Variants in KHDRBS2 observed in about 807,000 individuals in gnomAD.
KHDRBS2 encodes KH RNA binding domain containing, signal transduction associated 2, also known as KH domain-containing, RNA-binding, signal transduction-associated protein 2.
Under a neutral mutation model 44.3 loss-of-function variants are expected in KHDRBS2, and 26 were observed. The observed-to-expected ratio is 0.59, with a 90% CI of 0.43 to 0.81. The LOEUF is 0.81. Among genes scored for constraint, KHDRBS2 ranks in the 40% least tolerant of loss-of-function variants. The pLI is 0.00. For missense variants in KHDRBS2, 476 were observed against 433.1 expected (o/e 1.10, Z -0.88); for synonymous variants, 194 against 151.1 (o/e 1.28, Z -2.08).
At chr6:61,694,535 G>T (rs1324109828) in intron 8 of KHDRBS2, among the ~76,000 whole-genome samples, 1 of 152,120 alleles carries the variant, frequency 6.6e-6, no homozygotes, top group Non-Finnish European at 1.5e-5. Context: ...AAGGCTTGCG[G>T]CCTCATTCCT....
intron 2 of KHDRBS2, among the ~76,000 whole-genome samples, chr6:62,144,673 T>A (rs1321626807): frequency 1.3e-5 from 2 of 151,964 alleles, no homozygotes; most frequent in Non-Finnish European, 2.9e-5. Context: ...TAAGAAAGTC[T>A]CCTTAGCAAA....
chr6:61,707,657 G>A (rs768784695), intron 7 of KHDRBS2, among the ~76,000 whole-genome samples: 6 of 151,580 alleles, frequency 4.0e-5, no homozygotes, highest in African/African-American at 9.7e-5. Flanking sequence ...AGTAGTCTCC[G>A]AATCCGGTCA....
chr6:61,714,615 C>G (rs536499456), intron 7 of KHDRBS2, among the ~76,000 whole-genome samples: 63 of 151,968 alleles, frequency 4.1e-4, no homozygotes, highest in African/African-American at 1.5e-3. Flanking sequence ...TATCACAGCA[C>G]TATTCACTAT....
At chr6:62,237,148 A>G (rs1833835673) in intron 1 of KHDRBS2, among the ~76,000 whole-genome samples, 3 of 152,188 alleles carry the variant, frequency 2.0e-5, no homozygotes, top group Admixed American at 1.3e-4. Context: ...AAGAGACTCT[A>G]AAATCACATA....
chr6:61,567,654 C>T, the KHDRBS2 span, among the ~76,000 whole-genome samples: 1 of 151,906 alleles, frequency 6.6e-6, no homozygotes, highest in East Asian at 1.9e-4. Context: ...ACAAAACAAA[C>T]AAACAAAAAA....
At chr6:61,963,005 T>C (rs1470222475) in intron 4 of KHDRBS2, among the ~76,000 whole-genome samples, 1 of 152,076 alleles carries the variant, frequency 6.6e-6, no homozygotes, top group Non-Finnish European at 1.5e-5. Flanking sequence ...GGCCATTCTG[T>C]TTTTATTTCT....
the KHDRBS2 span, among the ~76,000 whole-genome samples, chr6:61,663,323 C>T: frequency 6.8e-6 from 1 of 146,682 alleles, no homozygotes; most frequent in Non-Finnish European, 1.5e-5. Flanking sequence ...ATGGATGCAG[C>T]ACACCAACAT....
the KHDRBS2 span, among the ~76,000 whole-genome samples, chr6:61,557,659 T>G: frequency 1.3e-5 from 2 of 152,208 alleles, no homozygotes; most frequent in Non-Finnish European, 2.9e-5. Context: ...AGAGTGAGTT[T>G]GGAAGTATTC....
At chr6:62,063,600 C>G (rs1329864969) in intron 2 of KHDRBS2, among the ~76,000 whole-genome samples, 1 of 151,444 alleles carries the variant, frequency 6.6e-6, no homozygotes, top group African/African-American at 2.4e-5. Flanking sequence ...TAAAAACTCT[C>G]AATAAATTAG....
At chr6:61,643,134 TA>T in the KHDRBS2 span, among the ~76,000 whole-genome samples, 28,364 of 150,482 alleles carry the variant, frequency 0.19, 3,089 homozygotes, top group South Asian at 0.32. Flanking sequence ...TGTATATTTT[TA>T]TTTCCCTAGT....
chr6:61,701,159 C>T (rs1371716546), intron 7 of KHDRBS2, among the ~76,000 whole-genome samples: 6 of 151,842 alleles, frequency 4.0e-5, no homozygotes, highest in East Asian at 2.0e-4. Context: ...ATACTTTGCT[C>T]GAGAAAAATG....
At chr6:62,124,752 T>C (rs1294686468) in intron 2 of KHDRBS2, among the ~76,000 whole-genome samples, 1 of 152,172 alleles carries the variant, frequency 6.6e-6, no homozygotes, top group Non-Finnish European at 1.5e-5. Flanking sequence ...AGGTAGATAC[T>C]TAGTACTGGG....
intron 6 of KHDRBS2, among the ~76,000 whole-genome samples, chr6:61,848,469 T>TTATATATATATATATATATATATATATA (rs796641130): frequency 8.1e-5 from 6 of 73,694 alleles, no homozygotes; most frequent in Non-Finnish European, 1.0e-4. Context: ...AATGGAGGTT[T>TTATATATATATATATATATATATATATA]TATATATATA....
chr6:61,847,518 T>A (rs1231643724), intron 6 of KHDRBS2, among the ~76,000 whole-genome samples: 3 of 152,080 alleles, frequency 2.0e-5, no homozygotes, highest in African/African-American at 7.2e-5. Context: ...AAAGTTAGGA[T>A]GAGCTATGTA....
At chr6:61,612,783 C>A in the KHDRBS2 span, among the ~76,000 whole-genome samples, 5 of 150,518 alleles carry the variant, frequency 3.3e-5, no homozygotes, top group Admixed American at 6.6e-5. Flanking sequence ...TACAGCTGCA[C>A]ACCACCACAC....
the KHDRBS2 span, among the ~76,000 whole-genome samples, chr6:61,581,802 T>C: frequency 6.6e-6 from 1 of 151,288 alleles, no homozygotes; most frequent in Non-Finnish European, 1.5e-5. Flanking sequence ...CTAAAGAGGC[T>C]TGTTAAAGAG....
intron 6 of KHDRBS2, among the ~76,000 whole-genome samples, chr6:61,878,589 G>T (rs760501503): frequency 6.6e-6 from 1 of 152,000 alleles, no homozygotes; most frequent in Non-Finnish European, 1.5e-5. Context: ...GATGATATTG[G>T]TTGAATTATT....
At chr6:62,219,013 G>C (rs9346260) in intron 1 of KHDRBS2, among the ~76,000 whole-genome samples, 1 of 151,468 alleles carries the variant, frequency 6.6e-6, no homozygotes, top group South Asian at 2.1e-4. Flanking sequence ...AGCACAGGGG[G>C]GAAGAAGTGG....
At chr6:61,581,909 G>C in the KHDRBS2 span, among the ~76,000 whole-genome samples, 1 of 151,404 alleles carries the variant, frequency 6.6e-6, no homozygotes, top group Non-Finnish European at 1.5e-5. Context: ...AGAAAAATTA[G>C]AAATTATAGC....
Sources: allele counts gnomAD v4.1 joint callset (sites outside exome capture counted in the v4.1 genomes callset), GRCh38; gene constraint gnomAD v4.1.1; transcripts MANE v1.5; gene names NCBI Gene and HGNC (gene_info 2026-07-23, HGNC 2026-07-21).